OSBPL11: variants seen among roughly 807,000 people sequenced by gnomAD.
OSBPL11 encodes oxysterol-binding protein-related protein 11.
In OSBPL11, 33 loss-of-function variants were observed where a neutral mutation model predicts 84.4. The ratio of observed to expected loss-of-function variants is 0.39; its 90% CI spans 0.30 to 0.52. OSBPL11 has a LOEUF of 0.52. Ranked by LOEUF, OSBPL11 falls within the 20% of genes least tolerant of loss-of-function variation. The pLI is 0.72. For synonymous variants in OSBPL11, 276 were observed against 310.2 expected, an observed-to-expected ratio of 0.89 and a Z score of 1.16; for missense variants, 736 against 901.1, an observed-to-expected ratio of 0.82 and a Z score of 2.35.
At chr3:125,561,395 T>A (rs1022592887) in intron 7 of OSBPL11, among the ~76,000 whole-genome samples, 1 of 152,256 alleles carries the variant, frequency 6.6e-6, no homozygotes, top group African/African-American at 2.4e-5. Context: ...CTCAAAAGAC[T>A]CTTTCTTCCT....
chr3:125,530,452 T>A lies in OSBPL11; in HGVS notation c.*63A>T. ...CAGGTCACTCAGTGCAATGACTCCA[T>A]TCTGGGAGGATTTAGGGTAAACAGA... On this transcript the variant is annotated 3_prime_UTR_variant, in exon 13 of 13. Coordinates refer to ENST00000296220, the MANE Select transcript of OSBPL11 (RefSeq NM_022776.5). The A allele has an allele frequency of 2.0e-6, 3 of 1,464,506 alleles. No homozygotes were observed. In the South Asian group the frequency reaches 3.4e-5, roughly 17 times the overall value. 90.7% of individuals were successfully genotyped at this position (1,464,506 alleles called of 1,614,324 possible).
chr3:125,532,767 A>T (rs1158170372), intron 11 of OSBPL11, among the ~76,000 whole-genome samples: 1 of 106,558 alleles, frequency 9.4e-6, no homozygotes, highest in East Asian at 2.4e-4. Context: ...ATAAATGTCC[A>T]TACAAAGACT....
chr3:125,587,872 G>A (rs1936538433), intron 1 of OSBPL11, among the ~76,000 whole-genome samples: 1 of 152,168 alleles, frequency 6.6e-6, no homozygotes, highest in South Asian at 2.1e-4. Flanking sequence ...CCAGGAAGTG[G>A]AGGCTGCAGG....
chr3:125,534,788 A>G (rs1935615084), intron 11 of OSBPL11, among the ~76,000 whole-genome samples: 1 of 151,918 alleles, frequency 6.6e-6, no homozygotes, highest in Admixed American at 6.6e-5. Flanking sequence ...CAATTTAACA[A>G]TGTCTCATCA....
At chr3:125,530,988 T>TA (rs937231176) in intron 12 of OSBPL11, among the ~76,000 whole-genome samples, 1 of 150,158 alleles carries the variant, frequency 6.7e-6, no homozygotes, top group African/African-American at 2.4e-5. Context: ...TCTTTCCTTT[T>TA]TTTTTTCCCC....
At chr3:125,569,641 C>A (rs1253541597) in intron 5 of OSBPL11, among the ~76,000 whole-genome samples, 1 of 152,070 alleles carries the variant, frequency 6.6e-6, no homozygotes, top group African/African-American at 2.4e-5. Flanking sequence ...GCTACCTAAC[C>A]AAGAGATATA....
chr3:125,540,226 G>C (rs947142427), intron 10 of OSBPL11, among the ~76,000 whole-genome samples: 6 of 150,858 alleles, frequency 4.0e-5, no homozygotes, highest in African/African-American at 1.5e-4. Flanking sequence ...CTACTCAGGA[G>C]GTTGAGGCCT....
At chr3:125,583,040 G>A in intron 1 of OSBPL11, 62 bp from the exon 2 acceptor site, 1 of 1,242,814 alleles carries the variant, frequency 8.0e-7, no homozygotes, top group Non-Finnish European at 1.1e-6. Flanking sequence ...GAGGATAATG[G>A]TACAATTTTC....
chr3:125,551,422 A>C (rs960295492), intron 9 of OSBPL11, among the ~76,000 whole-genome samples: 2 of 151,942 alleles, frequency 1.3e-5, no homozygotes, highest in East Asian at 1.9e-4. Context: ...GGCATTACAG[A>C]AGCTTTTATT....
intron 6 of OSBPL11, among the ~76,000 whole-genome samples, chr3:125,566,789 T>G (rs917461857): frequency 3.3e-5 from 5 of 151,738 alleles, no homozygotes; most frequent in African/African-American, 1.2e-4. Flanking sequence ...TGTATATATA[T>G]ATATATTTTT....
At chr3:125,592,001 C>CA (rs900710615) in intron 1 of OSBPL11, among the ~76,000 whole-genome samples, 24 of 146,280 alleles carry the variant, frequency 1.6e-4, no homozygotes, top group African/African-American at 3.5e-4. Flanking sequence ...GACCTTGTCT[C>CA]AAAAAAAAAA....
In OSBPL11 at chr3:125,563,749, C is replaced by A. The variant is rs371633056; in HGVS notation, c.963G>T (p.Pro321=). Residue 321 remains proline, a synonymous_variant, in exon 7 of 13, where the codon CCG becomes CCT. Coordinates refer to ENST00000296220, the MANE Select transcript of OSBPL11 (RefSeq NM_022776.5). Reference sequence around the variant, plus strand: ...CAGGCTGCTCTTCTGGGACTGCCACCGGCTTACTCTGATCAGTTGCAAAGG... The same window carrying A: ...CAGGCTGCTCTTCTGGGACTGCCACAGGCTTACTCTGATCAGTTGCAAAGG... The part of the protein sequence containing the change: ...DQPFATDQSK[P]VAVPEEQPVA... 6.2e-7 allele frequency: 1 copy of A among 1,614,122 alleles called. No homozygotes were observed. Among genetic ancestry groups the A allele is most frequent in the Non-Finnish European group, 8.5e-7 (1 of 1,179,996 alleles).
chr3:125,583,837 T>C (rs186275367), intron 1 of OSBPL11, among the ~76,000 whole-genome samples: 279 of 152,336 alleles, frequency 1.8e-3, no homozygotes, highest in Non-Finnish European at 2.9e-3. Flanking sequence ...AGAGTTCTTA[T>C]ACTTCCGGCC....
At chr3:125,543,658 T>C (rs1935767830) in intron 10 of OSBPL11, among the ~76,000 whole-genome samples, 1 of 152,054 alleles carries the variant, frequency 6.6e-6, no homozygotes, top group African/African-American at 2.4e-5. Flanking sequence ...CCCAGCACTT[T>C]GAGAGGCCAA....
rs1470843000 is a variant in OSBPL11, at chr3:125,572,702, C to T, written c.666+3487G>A. Among the ~76,000 whole-genome samples the T allele has an allele frequency of 2.0e-5, 3 of 151,760 alleles. No individual in the cohort carries two copies. The East Asian group carries it at 5.8e-4, about 29-fold the overall frequency. On this transcript the variant is annotated intron_variant, in intron 5 of 12. Coordinates refer to ENST00000296220, the MANE Select transcript of OSBPL11 (RefSeq NM_022776.5). The stretch of plus-strand genomic sequence containing the variant: ...CTTGCCTTCCGCCATGATTGTGAGG[C>T]CTCTCCATTCATGTGGAACTGTAAG...
At chr3:125,538,762 A>C in intron 10 of OSBPL11, 129 bp from the exon 11 acceptor site, 1 of 662,670 alleles carries the variant, frequency 1.5e-6, no homozygotes, top group Non-Finnish European at 2.4e-6. Context: ...TCAATATGTC[A>C]GTGCCAAAGT....
At chr3:125,592,760 A>G (rs1936617633) in intron 1 of OSBPL11, among the ~76,000 whole-genome samples, 1 of 152,172 alleles carries the variant, frequency 6.6e-6, no homozygotes, top group Non-Finnish European at 1.5e-5. Flanking sequence ...TATCAAGCAT[A>G]TTAAAAAGAA....
At chr3:125,546,651 G>A (rs1935821400) in intron 10 of OSBPL11, among the ~76,000 whole-genome samples, 1 of 152,098 alleles carries the variant, frequency 6.6e-6, no homozygotes, top group African/African-American at 2.4e-5. Context: ...AGCACTTTGG[G>A]AGGTTGAGGC....
At chr3:125,532,728 T>A (rs1294782715) in intron 11 of OSBPL11, among the ~76,000 whole-genome samples, 1 of 152,056 alleles carries the variant, frequency 6.6e-6, no homozygotes, top group East Asian at 1.9e-4. Context: ...GCAATTCCAC[T>A]CCTGGGTATT....
Sources: allele counts gnomAD v4.1 joint callset (sites outside exome capture counted in the v4.1 genomes callset), GRCh38; gene constraint gnomAD v4.1.1; transcripts MANE v1.5; gene names NCBI Gene and HGNC (gene_info 2026-07-23, HGNC 2026-07-21).